The following KLHL29 variants were observed in gnomAD, a reference collection of about 807,000 sequenced individuals.
KLHL29 encodes kelch-like protein 29.
Under a neutral mutation model 80.4 loss-of-function variants are expected in KLHL29, and 21 were observed. That is an observed-to-expected ratio of 0.26 (90% CI 0.19 to 0.38). The LOEUF (loss-of-function observed/expected upper bound fraction) is 0.38. Among genes scored for constraint, KLHL29 ranks in the 10% least tolerant of loss-of-function variants. The probability of loss-of-function intolerance (pLI) is 1.00; values close to 1 mark genes in which losing one functional copy is unlikely to be tolerated. For synonymous variants in KLHL29, 511 were observed against 526.8 expected, an observed-to-expected ratio of 0.97 and a Z score of 0.41; for missense variants, 867 against 1,223.9, an observed-to-expected ratio of 0.71 and a Z score of 4.35.
chr2:23,423,290 C>T (rs993980821), intron 1 of KLHL29, among the ~76,000 whole-genome samples: 1 of 152,228 alleles, frequency 6.6e-6, no homozygotes, highest in African/African-American at 2.4e-5. Context: ...GCGTCTGCTG[C>T]GTGGTCAGCC....
chr2:23,706,815 A>G lies in KLHL29; in HGVS notation c.*151A>G. ...ACATGTTGAATATTCTCTACATTGA[A>G]TGTAGAAAATCATCCTCGCCTTTGG... On this transcript the variant is annotated 3_prime_UTR_variant, in exon 14 of 14. Transcript: ENST00000486442. 3.5e-6 allele frequency: 2 copies of G among 569,706 alleles called. No homozygotes were observed. Among genetic ancestry groups the G allele is most frequent in the Non-Finnish European group, 5.8e-6 (2 of 344,694 alleles). The allele number at this position is 569,706 out of a possible 1,614,324, so 35.3% of individuals were successfully genotyped here. A position where few individuals can be genotyped will look rare whatever the true frequency, so the allele number is the denominator to read the frequency against.
At chr2:23,538,966 T>C (rs532772565) in intron 2 of KLHL29, among the ~76,000 whole-genome samples, 1 of 152,328 alleles carries the variant, frequency 6.6e-6, no homozygotes, top group Admixed American at 6.5e-5. Context: ...ACTATAAGAT[T>C]GATTAGATGC....
At chr2:23,469,621 G>A (rs1664441637) in intron 1 of KLHL29, among the ~76,000 whole-genome samples, 1 of 152,110 alleles carries the variant, frequency 6.6e-6, no homozygotes, top group African/African-American at 2.4e-5. Flanking sequence ...TTTTAAACTG[G>A]TTTATATTCC....
intron 3 of KLHL29, among the ~76,000 whole-genome samples, chr2:23,572,526 A>G (rs1347609963): frequency 2.0e-5 from 3 of 152,188 alleles, no homozygotes; most frequent in Admixed American, 6.5e-5. Flanking sequence ...TGCCCAGTCT[A>G]TAGAGGCTCT....
rs530053041 is a variant in KLHL29, at chr2:23,661,537, G to A, written c.940+18687G>A. On this transcript the variant is annotated intron_variant, in intron 5 of 13. Transcript: ENST00000486442. The stretch of plus-strand genomic sequence containing the variant: ...CTGAGCTGCACCTGGGGCTGGGCCC[G>A]AACCCCTCCTGGCATGGGCAGTGGC... 6.8e-4 allele frequency among the ~76,000 whole-genome samples: 104 copies of A among 152,178 alleles called. 1 individual carries two copies. Among genetic ancestry groups the A allele is most frequent in the Non-Finnish European group, 1.2e-3 (82 of 68,024 alleles).
intron 2 of KLHL29, among the ~76,000 whole-genome samples, chr2:23,500,025 A>G (rs1665392497): frequency 2.0e-5 from 3 of 152,164 alleles, no homozygotes; most frequent in African/African-American, 7.2e-5. Flanking sequence ...AGACCTGTAA[A>G]TATGTATTGG....
Position 23,631,293 on chromosome 2 carries a change from G to T in KLHL29, c.286-7846G>T, listed in dbSNP as rs139009673. ...ATCATCATATTCTGTAATATGATTG[G>T]AATCTGAATATATATTTTAAAGGAC... On this transcript the variant is annotated intron_variant, in intron 3 of 13. Transcript: ENST00000486442. Among the ~76,000 whole-genome samples, 111 of 152,264 alleles carry T rather than the reference G, an allele frequency of 7.3e-4. 1 individual carries two copies. Among genetic ancestry groups the T allele is most frequent in the African/African-American group, 2.3e-3 (97 of 41,538 alleles).
chr2:23,530,523 C>T (rs929593101), intron 2 of KLHL29, among the ~76,000 whole-genome samples: 7 of 152,196 alleles, frequency 4.6e-5, no homozygotes, highest in African/African-American at 1.2e-4. Flanking sequence ...TTCCTACCAG[C>T]GGCCATATGG....
chr2:23,536,326 T>C (rs1313271985), intron 2 of KLHL29, among the ~76,000 whole-genome samples: 1 of 152,298 alleles, frequency 6.6e-6, no homozygotes. Context: ...CCCAAGGGGC[T>C]CCAAGCTGCG....
intron 3 of KLHL29, among the ~76,000 whole-genome samples, chr2:23,597,309 ATGTGTGTGTG>A (rs1217422868): frequency 6.0e-4 from 60 of 100,518 alleles, no homozygotes; most frequent in Middle Eastern, 4.7e-3. Context: ...ATATATATAT[ATGTGTGTGTG>A]TGTGTGTGTG....
intron 3 of KLHL29, among the ~76,000 whole-genome samples, chr2:23,590,770 C>T (rs1178034157): frequency 1.3e-5 from 2 of 152,140 alleles, no homozygotes; most frequent in Non-Finnish European, 2.9e-5. Context: ...AGGGAGAGTG[C>T]GCCGTGAGTC....
intron 1 of KLHL29, among the ~76,000 whole-genome samples, chr2:23,416,079 GAGT>G (rs1666978434): frequency 6.6e-6 from 1 of 152,072 alleles, no homozygotes. Context: ...GTGCCTGCTG[GAGT>G]TACACCTTCA....
intron 2 of KLHL29, among the ~76,000 whole-genome samples, chr2:23,481,182 C>A (rs1664788056): frequency 6.6e-6 from 1 of 152,216 alleles, no homozygotes; most frequent in Non-Finnish European, 1.5e-5. Flanking sequence ...TTTTGTAAAG[C>A]TCCCCAGGTG....
intron 6 of KLHL29, chr2:23,690,820 T>C (rs886507474): frequency 6.6e-6 from 1 of 152,232 alleles, no homozygotes; most frequent in African/African-American, 2.4e-5. Flanking sequence ...TTTGCAATGG[T>C]TTTGTATTCC....
intron 1 of KLHL29, among the ~76,000 whole-genome samples, chr2:23,473,426 C>A (rs535545805): frequency 4.1e-4 from 62 of 152,274 alleles, no homozygotes; most frequent in African/African-American, 1.5e-3. Context: ...TCATTCACTT[C>A]CAGACCTTTT....
intron 1 of KLHL29, among the ~76,000 whole-genome samples, chr2:23,466,152 C>G (rs1463944027): frequency 2.0e-5 from 3 of 152,160 alleles, no homozygotes; most frequent in Non-Finnish European, 4.4e-5. Context: ...ATTACTTGCA[C>G]CATTTCCGTC....
intron 1 of KLHL29, among the ~76,000 whole-genome samples, chr2:23,473,292 C>T (rs1664546393): frequency 6.6e-6 from 1 of 152,084 alleles, no homozygotes; most frequent in African/African-American, 2.4e-5. Context: ...GCTCTCCATA[C>T]AGGTCAGGTG....
intron 2 of KLHL29, among the ~76,000 whole-genome samples, chr2:23,534,183 A>G (rs1666591237): frequency 6.6e-6 from 1 of 152,334 alleles, no homozygotes; most frequent in Admixed American, 6.5e-5. Context: ...CCGGGGCTTC[A>G]GATCATGAGA....
chr2:23,587,113 TG>T (rs1668140061), intron 3 of KLHL29, among the ~76,000 whole-genome samples: 1 of 152,188 alleles, frequency 6.6e-6, no homozygotes, highest in South Asian at 2.1e-4. Context: ...TTAGACGCCC[TG>T]TTAAATTGCA....
Sources: gnomAD v4.1 joint callset for allele counts (sites outside exome capture counted in the v4.1 genomes callset) on GRCh38, gnomAD v4.1.1 for gene constraint, MANE v1.5 for transcripts, NCBI Gene and HGNC (gene_info 2026-07-23, HGNC 2026-07-21) for gene names.